The following DNM3 variants were observed in gnomAD, a reference collection of about 807,000 sequenced individuals.
The protein encoded by DNM3 is dynamin-3.
Under a neutral mutation model 101.6 loss-of-function variants are expected in DNM3, and 47 were observed. The ratio of observed to expected loss-of-function variants is 0.46; its 90% confidence interval spans 0.37 to 0.59. The LOEUF (loss-of-function observed/expected upper bound fraction) is 0.59, where lower values mean the gene tolerates loss of function less well. Ranked by LOEUF, DNM3 falls within the 20% of genes least tolerant of loss-of-function variation. The probability of loss-of-function intolerance (pLI) is 0.00; values close to 1 mark genes in which losing one functional copy is unlikely to be tolerated. For synonymous variants in DNM3, 385 were observed against 387.9 expected, an observed-to-expected ratio of 0.99 and a Z score of 0.09; for missense variants, 849 against 1,085.7, an observed-to-expected ratio of 0.78 and a Z score of 3.06.
intron 15 of DNM3, among the ~76,000 whole-genome samples, chr1:172,279,723 C>G (rs1420612263): frequency 6.6e-6 from 1 of 152,250 alleles, no homozygotes; most frequent in East Asian, 1.9e-4. Flanking sequence ...CCCAGTTTCT[C>G]AGAAACATAT....
intron 10 of DNM3, among the ~76,000 whole-genome samples, chr1:172,051,046 T>G (rs945461139): frequency 1.2e-4 from 18 of 152,172 alleles, no homozygotes; most frequent in Admixed American, 1.0e-3. Context: ...ACATTTTTAC[T>G]ATCTTCTCAA....
At chr1:172,088,337 C>T (rs980746174) in intron 12 of DNM3, among the ~76,000 whole-genome samples, 3 of 152,098 alleles carry the variant, frequency 2.0e-5, no homozygotes, top group Non-Finnish European at 4.4e-5. Context: ...GACAGGACTC[C>T]AATAGTCAGA....
At chr1:172,253,524 C>A in intron 14 of DNM3, 49 bp from the exon 15 acceptor site, 1 of 1,257,588 alleles carries the variant, frequency 8.0e-7, no homozygotes, top group South Asian at 1.3e-5. Context: ...CCTCTCCTCT[C>A]CTCTCCTCTC....
rs140791082 is a variant in DNM3 at position 172,208,514 on chromosome 1, G to A, written c.1660-45059G>A. On this transcript the variant is annotated intron_variant, in intron 14 of 20. Coordinates refer to ENST00000627582, the MANE Select transcript of DNM3 (RefSeq NM_015569.5). ...AAGTCTGAGATCTCCGAGGAAAAGT[G>A]GATTTGCCTTCAGATTCAAGCTGCA... Among the ~76,000 whole-genome samples the A allele has an allele frequency of 1.8e-3, 276 of 152,204 alleles. 4 individuals are homozygous for A. Among genetic ancestry groups the A allele is most frequent in the South Asian group, 0.018 (87 of 4,816 alleles).
intron 11 of DNM3, among the ~76,000 whole-genome samples, chr1:172,079,303 G>A (rs2052941250): frequency 6.6e-6 from 1 of 152,216 alleles, no homozygotes; most frequent in East Asian, 1.9e-4. Context: ...ATTTCTTGGA[G>A]GCTTTGTTCT....
intron 10 of DNM3, among the ~76,000 whole-genome samples, chr1:172,054,801 A>G (rs931055956): frequency 2.0e-5 from 3 of 152,094 alleles, no homozygotes; most frequent in African/African-American, 7.2e-5. Flanking sequence ...TCTACTAAAA[A>G]TACAAAACTT....
intron 14 of DNM3, among the ~76,000 whole-genome samples, chr1:172,160,112 G>C (rs1336884297): frequency 6.6e-6 from 1 of 151,700 alleles, no homozygotes; most frequent in Non-Finnish European, 1.5e-5. Flanking sequence ...TATCAACCGA[G>C]CTTTCAGGAC....
chr1:172,022,784 A>G (rs1285611178), intron 4 of DNM3, among the ~76,000 whole-genome samples: 1 of 151,826 alleles, frequency 6.6e-6, no homozygotes, highest in Admixed American at 6.6e-5. Flanking sequence ...CTCTCTTTTG[A>G]CTTCTCACTG....
At chr1:172,192,579 A>G (rs1407693368) in intron 14 of DNM3, among the ~76,000 whole-genome samples, 2 of 128,790 alleles carry the variant, frequency 1.6e-5, no homozygotes, top group African/African-American at 6.0e-5. Flanking sequence ...TCCTGTGTCC[A>G]TGTGTTCTCA....
intron 12 of DNM3, among the ~76,000 whole-genome samples, chr1:172,085,491 A>G (rs919158453): frequency 3.3e-5 from 5 of 152,136 alleles, no homozygotes; most frequent in African/African-American, 1.2e-4. Flanking sequence ...GGATTTATGC[A>G]GTCCAATGGT....
chr1:171,896,968 A>G (rs556388669), intron 1 of DNM3, among the ~76,000 whole-genome samples: 1 of 152,144 alleles, frequency 6.6e-6, no homozygotes, highest in Non-Finnish European at 1.5e-5. Flanking sequence ...TGCTTCTCTC[A>G]TTTCATTTTC....
At chr1:172,288,406 C>G (rs1053052710) in intron 15 of DNM3, among the ~76,000 whole-genome samples, 6 of 152,096 alleles carry the variant, frequency 3.9e-5, no homozygotes, top group African/African-American at 1.4e-4. Flanking sequence ...GCCTGATGGG[C>G]AAGAATCAGG....
At chr1:171,932,879 G>A (rs1473320668) in intron 2 of DNM3, among the ~76,000 whole-genome samples, 1 of 152,178 alleles carries the variant, frequency 6.6e-6, no homozygotes, top group African/African-American at 2.4e-5. Flanking sequence ...GGACCTTTTG[G>A]TGAGTATAGA....
At chr1:172,167,870 A>G (rs535699236) in intron 14 of DNM3, among the ~76,000 whole-genome samples, 23 of 152,132 alleles carry the variant, frequency 1.5e-4, no homozygotes, top group African/African-American at 5.1e-4. Flanking sequence ...CTTGAAGTAG[A>G]GAGACTTCGA....
intron 7 of DNM3, among the ~76,000 whole-genome samples, chr1:172,038,682 A>G (rs2125825674): frequency 6.6e-6 from 1 of 152,278 alleles, no homozygotes; most frequent in East Asian, 1.9e-4. Context: ...CCTCATGCCC[A>G]TTTAAATTGT....
chr1:171,989,130 A>G lies in DNM3; in HGVS notation c.571A>G (p.Lys191Glu). ...AAACTCAGATGCGCTGAAGCTAGCTAAAGAAGTTGATCCTCAAGGTGAGTG... is the reference window on the plus strand; with the variant it reads ...AAACTCAGATGCGCTGAAGCTAGCTGAAGAAGTTGATCCTCAAGGTGAGTG... Reference protein sequence around the residue: ...LANSDALKLAKEVDPQGLRTI... With the variant: ...LANSDALKLAEEVDPQGLRTI... Residue 191 changes from lysine (K) to glutamate (E), a missense_variant, in exon 4 of 21, where the codon AAA (lysine) becomes GAA (glutamate). By Grantham distance (56) the Lys-to-Glu change is moderately conservative (BLOSUM62 1). Coordinates refer to ENST00000627582, the MANE Select transcript of DNM3 (RefSeq NM_015569.5). The G allele has an allele frequency of 6.2e-7, 1 of 1,612,866 alleles. No homozygotes were observed.
intron 14 of DNM3, among the ~76,000 whole-genome samples, chr1:172,221,126 G>A (rs577982432): frequency 6.6e-6 from 1 of 151,912 alleles, no homozygotes; most frequent in East Asian, 1.9e-4. Context: ...CTCAGACGCA[G>A]TATTCAAAGA....
intron 1 of DNM3, among the ~76,000 whole-genome samples, chr1:171,898,214 A>G (rs1020302425): frequency 4.6e-5 from 7 of 152,122 alleles, no homozygotes; most frequent in African/African-American, 1.7e-4. Flanking sequence ...CTTGGTTTTC[A>G]TGGTCTTAGA....
At chr1:172,069,543 T>G (rs751848452) in intron 11 of DNM3, among the ~76,000 whole-genome samples, 1 of 152,224 alleles carries the variant, frequency 6.6e-6, no homozygotes, top group Non-Finnish European at 1.5e-5. Context: ...GATAATTCAT[T>G]TAAAAAAGTA....
Sources: allele counts gnomAD v4.1 joint callset (sites outside exome capture counted in the v4.1 genomes callset), GRCh38; gene constraint gnomAD v4.1.1; transcripts MANE v1.5; gene names NCBI Gene and HGNC (gene_info 2026-07-23, HGNC 2026-07-21).